CATSPERT: variants seen among roughly 807,000 people sequenced by gnomAD.
CATSPERT encodes catsper channel auxiliary subunit tau, also known as cation channel sperm-associated targeting subunit tau.
At chr2:201,519,112 G>C in the CATSPERT span, among the ~76,000 whole-genome samples, 2 of 152,272 alleles carry the variant, frequency 1.3e-5, no homozygotes, top group Non-Finnish European at 2.9e-5. Context: ...CTTCTCCATT[G>C]TGAACTATGC....
At chr2:201,579,868 T>TC in the CATSPERT span, among the ~76,000 whole-genome samples, 3 of 151,518 alleles carry the variant, frequency 2.0e-5, no homozygotes, top group Non-Finnish European at 4.4e-5. Context: ...TTTTTTTTTT[T>TC]TGAGACAGGG....
chr2:201,529,669 G>A, the CATSPERT span, among the ~76,000 whole-genome samples: 1 of 152,038 alleles, frequency 6.6e-6, no homozygotes, highest in Non-Finnish European at 1.5e-5. Flanking sequence ...AAACATAAGG[G>A]AAAATCTCCA....
chr2:201,537,423 C>T, the CATSPERT span: 1 of 1,580,286 alleles, frequency 6.3e-7, no homozygotes, highest in Non-Finnish European at 8.6e-7. Context: ...AGTTCTCTTC[C>T]AATTTCCCTT....
the CATSPERT span, among the ~76,000 whole-genome samples, chr2:201,503,205 A>G: frequency 2.0e-5 from 3 of 152,126 alleles, no homozygotes; most frequent in Non-Finnish European, 4.4e-5. Flanking sequence ...TCCCTACATA[A>G]TGAGTCATAT....
the CATSPERT span, among the ~76,000 whole-genome samples, chr2:201,559,410 C>G: frequency 6.6e-6 from 1 of 152,248 alleles, no homozygotes. Flanking sequence ...GCCCCCACAT[C>G]TCAGGCCCAA....
the CATSPERT span, among the ~76,000 whole-genome samples, chr2:201,592,252 T>A: frequency 6.6e-6 from 1 of 150,988 alleles, no homozygotes; most frequent in African/African-American, 2.4e-5. Flanking sequence ...GTGGTTTTTG[T>A]CTTTGGTTCT....
the CATSPERT span, among the ~76,000 whole-genome samples, chr2:201,606,655 T>A: frequency 6.6e-6 from 1 of 151,898 alleles, no homozygotes; most frequent in Non-Finnish European, 1.5e-5. Flanking sequence ...TCCCAACACT[T>A]TGGGAGGCCG....
At chr2:201,544,003 C>G in the CATSPERT span, among the ~76,000 whole-genome samples, 4 of 152,106 alleles carry the variant, frequency 2.6e-5, no homozygotes, top group Non-Finnish European at 4.4e-5. Context: ...TGCTATCCCT[C>G]CCCACTGCCC....
the CATSPERT span, among the ~76,000 whole-genome samples, chr2:201,540,396 C>T: frequency 1.8e-4 from 27 of 152,200 alleles, no homozygotes; most frequent in Non-Finnish European, 3.1e-4. Context: ...CTGGCTTCAA[C>T]GCTTCAAAGG....
the CATSPERT span, chr2:201,492,381 A>G: frequency 6.5e-7 from 1 of 1,534,512 alleles, no homozygotes; most frequent in African/African-American, 1.4e-5. Context: ...GTTTGCTTAA[A>G]TCAGCTTTTA....
At chr2:201,560,907 T>C in the CATSPERT span, among the ~76,000 whole-genome samples, 1 of 152,040 alleles carries the variant, frequency 6.6e-6, no homozygotes, top group Non-Finnish European at 1.5e-5. Context: ...CTCAGGCTCC[T>C]GAGTAGCTGG....
chr2:201,493,172 T>A, the CATSPERT span: 1 of 1,529,256 alleles, frequency 6.5e-7, no homozygotes. Context: ...AGTTTATCCA[T>A]TAATGAGTTA....
the CATSPERT span, among the ~76,000 whole-genome samples, chr2:201,613,807 T>C: frequency 2.6e-5 from 4 of 152,060 alleles, no homozygotes; most frequent in Non-Finnish European, 4.4e-5. Context: ...GCTAAAAACC[T>C]TGAAAAAAGA....
the CATSPERT span, among the ~76,000 whole-genome samples, chr2:201,544,131 A>G: frequency 1.3e-5 from 2 of 152,078 alleles, no homozygotes; most frequent in African/African-American, 4.8e-5. Context: ...TCCTTGTGAT[A>G]GTTTGCTCAG....
chr2:201,564,815 T>C, the CATSPERT span, among the ~76,000 whole-genome samples: 1 of 152,098 alleles, frequency 6.6e-6, no homozygotes, highest in African/African-American at 2.4e-5. Context: ...TAAATAAAAG[T>C]CTATTGTTCA....
At chr2:201,582,878 G>A in the CATSPERT span, among the ~76,000 whole-genome samples, 54 of 152,118 alleles carry the variant, frequency 3.5e-4, no homozygotes, top group Admixed American at 8.5e-4. Context: ...AATCAGAGCC[G>A]ATATCAGCCT....
chr2:201,566,239 G>C, the CATSPERT span, among the ~76,000 whole-genome samples: 1 of 151,504 alleles, frequency 6.6e-6, no homozygotes, highest in Non-Finnish European at 1.5e-5. Flanking sequence ...TTAAGTTCTA[G>C]GGTATATGTG....
At chr2:201,592,143 A>G in the CATSPERT span, among the ~76,000 whole-genome samples, 1 of 152,164 alleles carries the variant, frequency 6.6e-6, no homozygotes, top group South Asian at 2.1e-4. Flanking sequence ...AGCTCTTATT[A>G]TTTTGAAATA....
chr2:201,605,490 C>A, the CATSPERT span, among the ~76,000 whole-genome samples: 1 of 152,120 alleles, frequency 6.6e-6, no homozygotes, highest in South Asian at 2.1e-4. Flanking sequence ...CCGAAGAGAA[C>A]AACAGGTTAT....
Sources: gnomAD v4.1 joint callset for allele counts (sites outside exome capture counted in the v4.1 genomes callset) on GRCh38, gnomAD v4.1.1 for gene constraint, MANE v1.5 for transcripts, NCBI Gene and HGNC (gene_info 2026-07-23, HGNC 2026-07-21) for gene names.